The following MSI2 variants were observed in gnomAD, a reference collection of about 807,000 sequenced individuals.
The protein encoded by MSI2 is RNA-binding protein Musashi homolog 2.
In MSI2, 17 loss-of-function variants were observed where a neutral mutation model predicts 45.6. The ratio of observed to expected loss-of-function variants is 0.37; its 90% CI spans 0.26 to 0.56. The LOEUF (loss-of-function observed/expected upper bound fraction) is 0.56, where lower values mean the gene tolerates loss of function less well. Ranked by LOEUF, MSI2 falls within the 20% of genes least tolerant of loss-of-function variation. The pLI, the probability that MSI2 is intolerant of heterozygous loss-of-function variation, is 0.77. For missense variants in MSI2, 293 were observed against 444.2 expected, an observed-to-expected ratio of 0.66 and a Z score of 3.06; for synonymous variants, 156 against 158.2, an observed-to-expected ratio of 0.99 and a Z score of 0.11.
intron 6 of MSI2, among the ~76,000 whole-genome samples, chr17:57,472,300 C>T (rs931104497): frequency 2.0e-5 from 3 of 152,152 alleles, no homozygotes; most frequent in East Asian, 3.9e-4. Flanking sequence ...GTCCAGGGAC[C>T]GGCCTCCTTG....
intron 6 of MSI2, chr17:57,448,619 C>T (rs1038040328): frequency 6.6e-6 from 1 of 152,404 alleles, no homozygotes; most frequent in African/African-American, 2.4e-5. Context: ...TGTGGTCTGG[C>T]TGTTCTGCTC....
intron 6 of MSI2, among the ~76,000 whole-genome samples, chr17:57,493,500 G>A (rs1274543725): frequency 6.6e-6 from 1 of 151,888 alleles, no homozygotes; most frequent in African/African-American, 2.4e-5. Flanking sequence ...TTGCCATGGG[G>A]TAGTCCTTGC....
intron 5 of MSI2, among the ~76,000 whole-genome samples, chr17:57,286,677 G>A (rs926617102): frequency 4.6e-5 from 7 of 151,990 alleles, no homozygotes; most frequent in African/African-American, 1.7e-4. Flanking sequence ...CCCCAAGGTC[G>A]CTTGTCTGAT....
chr17:57,630,740 A>G (rs1909289387), intron 10 of MSI2: 1 of 152,308 alleles, frequency 6.6e-6, no homozygotes, highest in Non-Finnish European at 1.5e-5. Flanking sequence ...ATTCCAGTCA[A>G]GAGCGCAGGG....
chr17:57,413,544 G>C (rs1318877186), intron 6 of MSI2, among the ~76,000 whole-genome samples: 5 of 151,898 alleles, frequency 3.3e-5, no homozygotes, highest in African/African-American at 1.2e-4. Flanking sequence ...CCTGGAAATT[G>C]TCCCAGTATC....
chr17:57,490,931 T>A (rs889272501), intron 6 of MSI2, among the ~76,000 whole-genome samples: 1 of 152,218 alleles, frequency 6.6e-6, no homozygotes, highest in Non-Finnish European at 1.5e-5. Context: ...GCTTAGTACT[T>A]GGAACCTGCC....
intron 10 of MSI2, among the ~76,000 whole-genome samples, chr17:57,644,326 C>T (rs1342983504): frequency 1.3e-5 from 2 of 150,854 alleles, no homozygotes; most frequent in African/African-American, 2.4e-5. Flanking sequence ...CCTCTTTGCA[C>T]CCCCTGTTCT....
At chr17:57,414,915 A>G (rs2084266159) in intron 6 of MSI2, among the ~76,000 whole-genome samples, 1 of 152,186 alleles carries the variant, frequency 6.6e-6, no homozygotes, top group African/African-American at 2.4e-5. Flanking sequence ...AGGTTTCGGC[A>G]TAGAGGGTAG....
chr17:57,580,478 C>T (rs768015875), intron 7 of MSI2, among the ~76,000 whole-genome samples: 11 of 152,220 alleles, frequency 7.2e-5, no homozygotes, highest in Admixed American at 2.0e-4. Context: ...TGGCCCCTTC[C>T]TTCCACCCCG....
rs185051194 is a variant in MSI2, at chr17:57,571,331, C to T, written c.455-25537C>T. ...TTTTGTCGTTTGTTAAGTCTTCTCT[C>T]CCCGCATTTCAGGCTGAGGGGCCTG... On this transcript the variant is annotated intron_variant, in intron 7 of 13. Coordinates refer to ENST00000284073, the MANE Select transcript of MSI2 (RefSeq NM_138962.4). Among the ~76,000 whole-genome samples the T allele has an allele frequency of 1.9e-4, 29 of 152,288 alleles. No individual in the cohort carries two copies. In the East Asian group the frequency reaches 5.6e-3, roughly 29 times the overall value.
At chr17:57,698,395 G>T in the MSI2 span, among the ~76,000 whole-genome samples, 1 of 152,132 alleles carries the variant, frequency 6.6e-6, no homozygotes, top group Non-Finnish European at 1.5e-5. Flanking sequence ...CCTTTCCTCG[G>T]TGGCTCCCTG....
At chr17:57,318,042 G>T (rs939396714) in intron 5 of MSI2, among the ~76,000 whole-genome samples, 1 of 152,158 alleles carries the variant, frequency 6.6e-6, no homozygotes, top group Non-Finnish European at 1.5e-5. Context: ...CCAGCTACTC[G>T]GGAGGCCGAG....
intron 6 of MSI2, among the ~76,000 whole-genome samples, chr17:57,475,897 C>G (rs1365933610): frequency 6.6e-6 from 1 of 152,198 alleles, no homozygotes; most frequent in Admixed American, 6.5e-5. Context: ...CTGCCAATCT[C>G]TCGTCCTCCC....
intron 9 of MSI2, among the ~76,000 whole-genome samples, chr17:57,617,151 TA>T: frequency 6.6e-6 from 1 of 152,204 alleles, no homozygotes; most frequent in Non-Finnish European, 1.5e-5. Flanking sequence ...CAAGGGCAGG[TA>T]AAACTATTTT....
intron 5 of MSI2, among the ~76,000 whole-genome samples, chr17:57,346,347 T>G (rs1915601404): frequency 9.1e-6 from 1 of 110,416 alleles, no homozygotes; most frequent in Non-Finnish European, 2.1e-5. Flanking sequence ...ATAACACATT[T>G]TGGGGGGGGG....
At chr17:57,472,329 G>C (rs1819785276) in intron 6 of MSI2, among the ~76,000 whole-genome samples, 1 of 152,184 alleles carries the variant, frequency 6.6e-6, no homozygotes, top group Non-Finnish European at 1.5e-5. Flanking sequence ...GGCAGGGCGA[G>C]CTCAGGGGCT....
At chr17:57,666,027 C>T (rs897681079) in intron 11 of MSI2, among the ~76,000 whole-genome samples, 2 of 152,056 alleles carry the variant, frequency 1.3e-5, no homozygotes, top group African/African-American at 4.8e-5. Context: ...TTTCCACTGC[C>T]AGGGAGCTCC....
chr17:57,324,116 T>C (rs1913580680), intron 5 of MSI2, among the ~76,000 whole-genome samples: 1 of 152,202 alleles, frequency 6.6e-6, no homozygotes, highest in Non-Finnish European at 1.5e-5. Flanking sequence ...AAGACCAGCC[T>C]GGGTAACATA....
rs2085462304 is a variant in MSI2, at chr17:57,472,735, G to C, written c.406-56941G>C. ...TGTGAAACACTCAGCGTGGATCCTG[G>C]TACGTCGTAAACACTATGTGGTGGT... is the stretch of plus-strand genomic sequence containing the variant. On this transcript the variant is annotated intron_variant, in intron 6 of 13. Coordinates refer to ENST00000284073, the MANE Select transcript of MSI2 (RefSeq NM_138962.4). 3.3e-5 allele frequency among the ~76,000 whole-genome samples: 5 copies of C among 152,282 alleles called. No homozygotes were observed. The South Asian group carries it at 1.0e-3, about 32-fold the overall frequency.
Sources: gnomAD v4.1 joint callset for allele counts (sites outside exome capture counted in the v4.1 genomes callset) on GRCh38, gnomAD v4.1.1 for gene constraint, MANE v1.5 for transcripts, NCBI Gene and HGNC (gene_info 2026-07-23, HGNC 2026-07-21) for gene names.